Variants in TRIM44 observed in about 807,000 individuals in gnomAD.
TRIM44 encodes the protein tripartite motif containing 44.
In TRIM44, 13 loss-of-function variants were observed where a neutral mutation model predicts 37.4. The observed-to-expected ratio is 0.35, with a 90% CI of 0.23 to 0.55. The LOEUF (loss-of-function observed/expected upper bound fraction) is 0.55, where lower values mean the gene tolerates loss of function less well. Ranked by LOEUF, TRIM44 falls within the 20% of genes least tolerant of loss-of-function variation. The pLI, the probability that TRIM44 is intolerant of heterozygous loss-of-function variation, is 0.89. For missense variants in TRIM44, 426 were observed against 437.2 expected (o/e 0.97, Z 0.23); for synonymous variants, 175 against 157.2 (o/e 1.11, Z -0.85).
At chr11:35,779,471 T>TCTC (rs1410290471) in intron 4 of TRIM44, among the ~76,000 whole-genome samples, 1 of 152,154 alleles carries the variant, frequency 6.6e-6, no homozygotes, top group East Asian at 1.9e-4. Context: ...CCCAGTGAGA[T>TCTC]GAACCTGGTA....
chr11:35,708,917 TAAAA>T (rs969042955), intron 2 of TRIM44, among the ~76,000 whole-genome samples: 1 of 149,586 alleles, frequency 6.7e-6, no homozygotes, highest in African/African-American at 2.4e-5. Context: ...ATAATAATAA[TAAAA>T]AATAAATAAA....
chr11:35,810,478 A>T lies in TRIM44; in HGVS notation c.*4093A>T, dbSNP rs1853515070. 1 of 152,200 alleles carries T rather than the reference A, an allele frequency of 6.6e-6. No individual in the cohort carries two copies. Among genetic ancestry groups the T allele is most frequent in the Non-Finnish European group, 1.5e-5 (1 of 68,040 alleles). 9.4% of individuals were successfully genotyped at this position (152,200 alleles called of 1,614,324 possible). On this transcript the variant is annotated 3_prime_UTR_variant, in exon 5 of 5. Transcript: ENST00000299413. ...AGTCTCATTATTATTGCCTTTATCC[A>T]GCAGTGCTTATGAAGCCCCCTACCC...
chr11:35,687,443 C>T (rs1851595395), intron 2 of TRIM44, among the ~76,000 whole-genome samples: 1 of 152,172 alleles, frequency 6.6e-6, no homozygotes, highest in African/African-American at 2.4e-5. Flanking sequence ...AAAGTTTTTC[C>T]TTTAGCTAGG....
At chr11:35,707,179 T>C (rs1479371014) in intron 2 of TRIM44, among the ~76,000 whole-genome samples, 5 of 152,088 alleles carry the variant, frequency 3.3e-5, no homozygotes, top group Non-Finnish European at 5.9e-5. Context: ...TCAAAGAGAA[T>C]ACAATACCTA....
intron 4 of TRIM44, among the ~76,000 whole-genome samples, chr11:35,744,509 T>C (rs1338543020): frequency 6.6e-6 from 1 of 152,166 alleles, no homozygotes; most frequent in Non-Finnish European, 1.5e-5. Flanking sequence ...TTTAAAAACA[T>C]TCACTGTTAT....
At chr11:35,720,603 C>G (rs1157597555) in intron 2 of TRIM44, among the ~76,000 whole-genome samples, 1 of 152,164 alleles carries the variant, frequency 6.6e-6, no homozygotes, top group Non-Finnish European at 1.5e-5. Flanking sequence ...AGGGGACATC[C>G]TTGCCTTGTT....
chr11:35,692,852 G>A (rs374392558), intron 2 of TRIM44, among the ~76,000 whole-genome samples: 1 of 151,900 alleles, frequency 6.6e-6, no homozygotes, highest in South Asian at 2.1e-4. Flanking sequence ...GAACCCAGGA[G>A]GCAGAGCTTG....
At chr11:35,697,491 T>C (rs1851720088) in intron 2 of TRIM44, among the ~76,000 whole-genome samples, 1 of 149,852 alleles carries the variant, frequency 6.7e-6, no homozygotes, top group African/African-American at 2.5e-5. Flanking sequence ...TTAGGGTACA[T>C]GTGCACAATG....
At chr11:35,684,758 G>A (rs1470356790) in intron 1 of TRIM44, among the ~76,000 whole-genome samples, 2 of 152,140 alleles carry the variant, frequency 1.3e-5, no homozygotes, top group Non-Finnish European at 2.9e-5. Flanking sequence ...GAAATTACAG[G>A]TGCAAGCTAC....
At chr11:35,721,503 A>G (rs1238681055) in intron 2 of TRIM44, among the ~76,000 whole-genome samples, 1 of 152,222 alleles carries the variant, frequency 6.6e-6, no homozygotes, top group Non-Finnish European at 1.5e-5. Flanking sequence ...CTAAGCGGTT[A>G]ACTGAGATAG....
intron 4 of TRIM44, among the ~76,000 whole-genome samples, chr11:35,796,702 G>T (rs186709329): frequency 2.6e-5 from 4 of 152,290 alleles, no homozygotes; most frequent in East Asian, 3.9e-4. Flanking sequence ...AGCAGCACTG[G>T]GGGGAGGAAA....
chr11:35,738,322 C>T (rs1852350659), intron 4 of TRIM44, among the ~76,000 whole-genome samples: 1 of 152,054 alleles, frequency 6.6e-6, no homozygotes. Flanking sequence ...TTGCAGATAC[C>T]TTTGTATCAT....
intron 4 of TRIM44, among the ~76,000 whole-genome samples, chr11:35,781,229 C>T (rs943035783): frequency 2.0e-5 from 3 of 151,998 alleles, no homozygotes; most frequent in Non-Finnish European, 4.4e-5. Context: ...CCCATCAGAC[C>T]ACTTCACGTT....
intron 1 of TRIM44, among the ~76,000 whole-genome samples, chr11:35,681,286 AATGAAAGAGCAT>A (rs1240688929): frequency 6.6e-6 from 1 of 152,194 alleles, no homozygotes; most frequent in Non-Finnish European, 1.5e-5. Flanking sequence ...GTGAGATGCC[AATGAAAGAGCAT>A]ATGAAAGTGC....
chr11:35,671,864 A>G (rs760322361), intron 1 of TRIM44, among the ~76,000 whole-genome samples: 19 of 152,274 alleles, frequency 1.2e-4, no homozygotes, highest in Admixed American at 3.3e-4. Flanking sequence ...CGAAGTTTGA[A>G]CTGAGCCTAG....
intron 2 of TRIM44, among the ~76,000 whole-genome samples, chr11:35,717,390 C>T (rs1206245131): frequency 2.0e-5 from 3 of 151,168 alleles, no homozygotes; most frequent in African/African-American, 7.3e-5. Context: ...TTGTATGTTA[C>T]TTTTTTTTTA....
intron 4 of TRIM44, among the ~76,000 whole-genome samples, chr11:35,799,492 T>A (rs911904352): frequency 3.9e-5 from 6 of 152,210 alleles, no homozygotes; most frequent in Non-Finnish European, 7.3e-5. Context: ...AAGCACGTGC[T>A]TGTATCTTCC....
At chr11:35,687,224 C>T (rs1012359438) in intron 2 of TRIM44, among the ~76,000 whole-genome samples, 2 of 152,170 alleles carry the variant, frequency 1.3e-5, no homozygotes, top group African/African-American at 4.8e-5. Context: ...TGTGGCAGAG[C>T]CATAGACTGG....
At chr11:35,754,731 A>G (rs977321562) in intron 4 of TRIM44, among the ~76,000 whole-genome samples, 2 of 137,938 alleles carry the variant, frequency 1.4e-5, no homozygotes, top group African/African-American at 2.7e-5. Context: ...TTCAATTCCC[A>G]CCTATGAGTG....
Sources: allele counts gnomAD v4.1 joint callset (sites outside exome capture counted in the v4.1 genomes callset), GRCh38; gene constraint gnomAD v4.1.1; transcripts MANE v1.5; gene names NCBI Gene and HGNC (gene_info 2026-07-23, HGNC 2026-07-21).